The following CDH9 variants were observed in gnomAD, a reference collection of about 807,000 sequenced individuals.
CDH9 encodes the protein cadherin 9.
A neutral mutation model predicts 70.9 loss-of-function variants in CDH9; 28 were observed. That is an observed-to-expected ratio of 0.40 (90% CI 0.29 to 0.54). CDH9 has a LOEUF of 0.54. CDH9 is among the 20% of genes least tolerant of loss of function. The pLI is 0.59. For missense variants in CDH9, 874 were observed against 984.4 expected, an observed-to-expected ratio of 0.89 and a Z score of 1.50; for synonymous variants, 409 against 343.1, an observed-to-expected ratio of 1.19 and a Z score of -2.12.
Position 26,885,855 on chromosome 5 carries a change from T to G in CDH9, c.1641A>C (p.Ala547=), listed in dbSNP as rs35328154. The G allele has an allele frequency of 0.012, 19,812 of 1,613,894 alleles. 172 individuals are homozygous for G. The highest frequency in any genetic ancestry group is 0.033 in the South Asian group (2,966 of 91,076). The change falls in exon 11 of 12, where the codon GCA becomes GCC. Residue 547 remains alanine, a synonymous_variant. Transcript: ENST00000231021. The part of the protein sequence containing the change: ...FTIVDNKDNT[A]GIMTRKDGYS... ...AGCCATCTTTCCGAGTCATGATTCC[T>G]GCTGTATTATCTGGGGGAGAAAACA...
chr5:27,036,856 T>G (rs992293158), intron 1 of CDH9, among the ~76,000 whole-genome samples: 1 of 152,142 alleles, frequency 6.6e-6, no homozygotes, highest in East Asian at 1.9e-4. Flanking sequence ...CCATAACATA[T>G]TTGGTGACAA....
intron 1 of CDH9, among the ~76,000 whole-genome samples, chr5:27,026,082 A>G (rs1473403166): frequency 6.6e-6 from 1 of 151,948 alleles, no homozygotes; most frequent in Admixed American, 6.6e-5. Context: ...ATTAATAGCA[A>G]TATTTAATGA....
In CDH9 at chr5:26,889,903, T is replaced by C. The variant is rs778867049; in HGVS notation, c.1445A>G (p.Asn482Ser). ...IPVFIRILDI[N>S]DHAPEFAMYY... ...CATGGCAAATTCCGGAGCATGGTCATTTATATCTAGAATTCTGATGAAGAC... is the reference window on the plus strand; with the variant it reads ...CATGGCAAATTCCGGAGCATGGTCACTTATATCTAGAATTCTGATGAAGAC... Residue 482 changes from asparagine (N) to serine (S), a missense_variant, in exon 9 of 12, where the codon AAT (asparagine) becomes AGT (serine). Coordinates refer to ENST00000231021, the MANE Select transcript of CDH9 (RefSeq NM_016279.4). The C allele has an allele frequency of 6.2e-7, 1 of 1,605,582 alleles. No individual in the cohort carries two copies. Among genetic ancestry groups the C allele is most frequent in the Non-Finnish European group, 8.5e-7 (1 of 1,172,966 alleles).
At chr5:26,901,515 A>G (rs558056477) in intron 7 of CDH9, among the ~76,000 whole-genome samples, 40 of 152,084 alleles carry the variant, frequency 2.6e-4, no homozygotes, top group African/African-American at 9.6e-4. Flanking sequence ...TTATATATTT[A>G]GTATTGTGAT....
intron 2 of CDH9, among the ~76,000 whole-genome samples, chr5:26,955,472 G>T (rs1163249853): frequency 6.6e-6 from 1 of 152,070 alleles, no homozygotes; most frequent in East Asian, 1.9e-4. Context: ...GTTTTTTGGG[G>T]CTGCCTGAAT....
intron 1 of CDH9, among the ~76,000 whole-genome samples, chr5:27,031,142 A>G (rs1317744408): frequency 2.0e-5 from 3 of 151,814 alleles, no homozygotes; most frequent in Non-Finnish European, 4.4e-5. Context: ...TATAACTAAA[A>G]CATTACATAA....
chr5:26,904,485 G>A (rs192845037), intron 5 of CDH9, among the ~76,000 whole-genome samples: 1 of 152,060 alleles, frequency 6.6e-6, no homozygotes, highest in East Asian at 1.9e-4. Context: ...ACAATGTGCT[G>A]CAGTCTATAC....
At chr5:26,896,922 C>T (rs1205800993) in intron 7 of CDH9, among the ~76,000 whole-genome samples, 1 of 151,364 alleles carries the variant, frequency 6.6e-6, no homozygotes, top group African/African-American at 2.4e-5. Flanking sequence ...GGACCACTTG[C>T]CAGACTAATA....
intron 2 of CDH9, among the ~76,000 whole-genome samples, chr5:26,918,526 A>C (rs1374325470): frequency 6.6e-6 from 1 of 152,234 alleles, no homozygotes; most frequent in African/African-American, 2.4e-5. Flanking sequence ...AACTTTTCAC[A>C]TAAAATCAGA....
intron 2 of CDH9, among the ~76,000 whole-genome samples, chr5:26,926,278 A>G (rs1366569679): frequency 8.6e-6 from 1 of 115,706 alleles, no homozygotes; most frequent in Non-Finnish European, 1.8e-5. Flanking sequence ...AAAAATCACA[A>G]GCATTCTTAT....
intron 2 of CDH9, among the ~76,000 whole-genome samples, chr5:26,937,147 A>T (rs1032307742): frequency 6.9e-6 from 1 of 144,728 alleles, no homozygotes; most frequent in Non-Finnish European, 1.5e-5. Context: ...GTGGCAAAAG[A>T]CTTGTATCCA....
At chr5:26,888,483 T>A (rs1367478422) in intron 9 of CDH9, among the ~76,000 whole-genome samples, 1 of 150,044 alleles carries the variant, frequency 6.7e-6, no homozygotes, top group Non-Finnish European at 1.5e-5. Flanking sequence ...AAATTAAGCA[T>A]CAAATTCAAA....
intron 7 of CDH9, among the ~76,000 whole-genome samples, chr5:26,899,750 A>G (rs920142828): frequency 6.6e-6 from 1 of 151,974 alleles, no homozygotes; most frequent in Non-Finnish European, 1.5e-5. Context: ...GGATAGCATT[A>G]GGAAAAATAC....
chr5:26,979,319 G>A (rs1742358828), intron 2 of CDH9, among the ~76,000 whole-genome samples: 1 of 151,316 alleles, frequency 6.6e-6, no homozygotes, highest in Non-Finnish European at 1.5e-5. Flanking sequence ...AATTAATAAT[G>A]AATCCTGAGA....
At chr5:26,994,264 G>A (rs1322608033) in intron 1 of CDH9, among the ~76,000 whole-genome samples, 1 of 152,112 alleles carries the variant, frequency 6.6e-6, no homozygotes, top group Admixed American at 6.6e-5. Context: ...AGACTTTGGG[G>A]CCTATTGGGA....
intron 3 of CDH9, among the ~76,000 whole-genome samples, chr5:26,908,741 A>G (rs1226952142): frequency 6.6e-6 from 1 of 152,216 alleles, no homozygotes; most frequent in East Asian, 1.9e-4. Flanking sequence ...TGATGTGGCC[A>G]AAAAGCTAAA....
At chr5:27,022,451 A>G (rs946726792) in intron 1 of CDH9, among the ~76,000 whole-genome samples, 1 of 152,134 alleles carries the variant, frequency 6.6e-6, no homozygotes, top group African/African-American at 2.4e-5. Context: ...TGTAAATGCA[A>G]ATAGTATCAA....
intron 2 of CDH9, among the ~76,000 whole-genome samples, chr5:26,972,799 A>G (rs922633826): frequency 1.3e-5 from 2 of 152,180 alleles, no homozygotes; most frequent in Admixed American, 1.3e-4. Flanking sequence ...GGAAGAAACT[A>G]AGATGTGAGA....
chr5:26,883,781 G>GCC (rs3841120), intron 11 of CDH9, among the ~76,000 whole-genome samples: 68,155 of 151,622 alleles, frequency 0.45, 16,153 homozygotes, highest in South Asian at 0.66. Flanking sequence ...TCATCAGGCT[G>GCC]AAAAGTGTCC....
Sources: allele counts gnomAD v4.1 joint callset (sites outside exome capture counted in the v4.1 genomes callset), GRCh38; gene constraint gnomAD v4.1.1; transcripts MANE v1.5; gene names NCBI Gene and HGNC (gene_info 2026-07-23, HGNC 2026-07-21).